Variants in PCSK2 observed in about 807,000 individuals in gnomAD.
PCSK2 encodes proprotein convertase subtilisin/kexin type 2, also known as neuroendocrine convertase 2.
In PCSK2, 14 loss-of-function variants were observed where a neutral mutation model predicts 69.7. The observed-to-expected ratio is 0.20, with a 90% CI of 0.13 to 0.31. PCSK2 has a LOEUF of 0.31. Ranked by LOEUF, PCSK2 falls within the 10% of genes least tolerant of loss-of-function variation. The pLI is 1.00. For synonymous variants in PCSK2, 307 were observed against 320.7 expected, an observed-to-expected ratio of 0.96 and a Z score of 0.46; for missense variants, 544 against 842.5, an observed-to-expected ratio of 0.65 and a Z score of 4.39.
intron 2 of PCSK2, among the ~76,000 whole-genome samples, chr20:17,310,668 G>C (rs1041662567): frequency 6.7e-6 from 1 of 149,588 alleles, no homozygotes; most frequent in Non-Finnish European, 1.5e-5. Flanking sequence ...GTATCTAGTA[G>C]GTCATATAGC....
intron 2 of PCSK2, among the ~76,000 whole-genome samples, chr20:17,303,514 A>ATAATATATATTATATT (rs1568593767): frequency 1.3e-4 from 5 of 37,940 alleles, no homozygotes; most frequent in Non-Finnish European, 1.8e-4. Flanking sequence ...TATATTATAT[A>ATAATATATATTATATT]TAATATAATA....
chr20:17,348,104 AAAAGAAAAG>A (rs2029877199), intron 2 of PCSK2, among the ~76,000 whole-genome samples: 1 of 146,252 alleles, frequency 6.8e-6, no homozygotes, highest in Non-Finnish European at 1.5e-5. Flanking sequence ...AGAAAGAAAG[AAAAGAAAAG>A]AAAGAGAGAG....
At chr20:17,327,001 T>TG (rs1990075218) in intron 2 of PCSK2, among the ~76,000 whole-genome samples, 1 of 152,210 alleles carries the variant, frequency 6.6e-6, no homozygotes. Flanking sequence ...TCTGTAGTCT[T>TG]CTCATCCTCC....
intron 5 of PCSK2, among the ~76,000 whole-genome samples, chr20:17,402,092 T>C (rs2206447): frequency 0.82 from 124,018 of 152,156 alleles, 51,282 homozygotes; most frequent in African/African-American, 0.9. Flanking sequence ...ACTCTAAAGA[T>C]ACCCTCCGGA....
chr20:17,420,791 C>A (rs1873174537), intron 6 of PCSK2, among the ~76,000 whole-genome samples: 1 of 152,070 alleles, frequency 6.6e-6, no homozygotes. Context: ...AATGAGTGAT[C>A]CCTGAATCAG....
intron 6 of PCSK2, among the ~76,000 whole-genome samples, chr20:17,423,782 C>A (rs1226009295): frequency 1.3e-5 from 2 of 151,990 alleles, no homozygotes; most frequent in East Asian, 1.9e-4. Context: ...TAAATAAATA[C>A]CCTTGTAGAA....
intron 5 of PCSK2, among the ~76,000 whole-genome samples, chr20:17,379,456 G>A (rs1207551446): frequency 2.0e-5 from 3 of 152,254 alleles, no homozygotes; most frequent in East Asian, 1.9e-4. Context: ...AGACTCTGAA[G>A]CCATGGAGTC....
chr20:17,379,128 A>G (rs1432853900), intron 5 of PCSK2, among the ~76,000 whole-genome samples: 2 of 152,174 alleles, frequency 1.3e-5, no homozygotes, highest in Non-Finnish European at 2.9e-5. Context: ...TCCCAATCAT[A>G]CTGTCTTAAA....
chr20:17,311,071 T>A (rs1327004417), intron 2 of PCSK2, among the ~76,000 whole-genome samples: 1 of 147,264 alleles, frequency 6.8e-6, no homozygotes, highest in Non-Finnish European at 1.5e-5. Flanking sequence ...GGGTAAAAAA[T>A]GTTTTTTAAT....
chr20:17,403,993 A>G (rs899382189), intron 5 of PCSK2, among the ~76,000 whole-genome samples: 1 of 152,176 alleles, frequency 6.6e-6, no homozygotes, highest in East Asian at 1.9e-4. Flanking sequence ...CACCCTGTCT[A>G]TGGGCAAATT....
Position 17,453,628 on chromosome 20 carries a change from A to T in PCSK2, c.886-114A>T, listed in dbSNP as rs774490305. 184 of 1,076,424 alleles carry T rather than the reference A, an allele frequency of 1.7e-4. 1 individual carries two copies. The highest frequency in any genetic ancestry group is 2.4e-4 in the Non-Finnish European group (179 of 747,680). The allele number at this position is 1,076,424 out of a possible 1,614,324, so 66.7% of individuals were successfully genotyped here. On this transcript the variant is annotated intron_variant, in intron 8 of 11. Transcript: ENST00000262545. The surrounding 1 kb of genome is among the most constrained non-coding windows in gnomAD (Gnocchi z 4.0). ...GTGTCCAACCCAGTTTAAAAAGTGC[A>T]CCCAGTCTTTAGGTTCAACTGCTGA... is the stretch of plus-strand genomic sequence containing the variant.
chr20:17,406,246 C>G (rs957942622), intron 5 of PCSK2, among the ~76,000 whole-genome samples: 7 of 152,200 alleles, frequency 4.6e-5, no homozygotes, highest in African/African-American at 1.7e-4. Context: ...ATAAATGACT[C>G]GGTTTGGCTG....
intron 11 of PCSK2, among the ~76,000 whole-genome samples, chr20:17,467,807 G>A (rs950269548): frequency 6.6e-6 from 1 of 152,132 alleles, no homozygotes; most frequent in Admixed American, 6.5e-5. Flanking sequence ...CACACAGTAG[G>A]CACTTAATAA....
At chr20:17,419,632 C>T (rs2032078855) in intron 6 of PCSK2, among the ~76,000 whole-genome samples, 1 of 152,140 alleles carries the variant, frequency 6.6e-6, no homozygotes, top group Non-Finnish European at 1.5e-5. Flanking sequence ...ACCTTTCAAC[C>T]ATGCCAAGAT....
intron 11 of PCSK2, 152 bp downstream of exon 11, chr20:17,465,705 G>A: frequency 1.6e-6 from 1 of 617,654 alleles, no homozygotes; most frequent in Non-Finnish European, 2.9e-6. Context: ...GCCTCACTTT[G>A]TCACCCAGGC....
At position 17,453,970 on chromosome 20, in the gene PCSK2, C is replaced by T; in HGVS notation, c.1101+13C>T. The T allele has an allele frequency of 1.2e-6, 2 of 1,613,964 alleles. No individual in the cohort carries two copies. Among genetic ancestry groups the T allele is most frequent in the Non-Finnish European group, 8.5e-7 (1 of 1,179,986 alleles). ...CGAGGCCGGTGTGGTGAGCACGTCC[C>T]CTTCTGTCCTTGTTTCCTTAGGGCC... On this transcript the variant is annotated intron_variant, in intron 9 of 11. Coordinates refer to ENST00000262545, the MANE Select transcript of PCSK2 (RefSeq NM_002594.5). The surrounding 1 kb of genome is among the most constrained non-coding windows in gnomAD (Gnocchi z 4.0).
chr20:17,252,815 T>C (rs182611301), intron 1 of PCSK2, among the ~76,000 whole-genome samples: 3 of 152,082 alleles, frequency 2.0e-5, no homozygotes, highest in Admixed American at 6.5e-5. Context: ...AAATACACAA[T>C]AGAAAAATGC....
At chr20:17,401,674 C>G (rs1320552688) in intron 5 of PCSK2, among the ~76,000 whole-genome samples, 1 of 152,096 alleles carries the variant, frequency 6.6e-6, no homozygotes. Flanking sequence ...AATCTAGTGG[C>G]AGGTAGGGGT....
chr20:17,260,713 G>A (rs1363822371), intron 2 of PCSK2, among the ~76,000 whole-genome samples: 4 of 152,142 alleles, frequency 2.6e-5, no homozygotes, highest in Non-Finnish European at 4.4e-5. Context: ...TTCTACTGGT[G>A]AATCCACATG....
Sources: allele counts gnomAD v4.1 joint callset (sites outside exome capture counted in the v4.1 genomes callset), GRCh38; gene constraint gnomAD v4.1.1; non-coding constraint Gnocchi (gnomAD v3.1); transcripts MANE v1.5; gene names NCBI Gene and HGNC (gene_info 2026-07-23, HGNC 2026-07-21).